The following PCDHGA5 variants were observed in gnomAD, a reference collection of about 807,000 sequenced individuals.
PCDHGA5 encodes the protein protocadherin gamma-A5.
In PCDHGA5, 36 loss-of-function variants were observed where a neutral mutation model predicts 56.7. The observed-to-expected ratio is 0.64, with a 90% CI of 0.49 to 0.84. The LOEUF (loss-of-function observed/expected upper bound fraction) is 0.84. PCDHGA5 is among the 40% of genes least tolerant of loss of function. The pLI is 0.00. For synonymous variants in PCDHGA5, 563 were observed against 520.2 expected, an observed-to-expected ratio of 1.08 and a Z score of -1.12; for missense variants, 1,305 against 1,201.5, an observed-to-expected ratio of 1.09 and a Z score of -1.27.
chr5:141,408,298 G>T (rs778209794), intron 1 of PCDHGA5: 1 of 1,613,704 alleles, frequency 6.2e-7, no homozygotes, highest in South Asian at 1.1e-5. Context: ...TGAGTGAGCC[G>T]ATCCGCTACT....
intron 1 of PCDHGA5, chr5:141,478,169 G>A (rs2099436111): frequency 1.2e-6 from 2 of 1,613,716 alleles, no homozygotes; most frequent in Admixed American, 1.7e-5. Flanking sequence ...TGCCCCCCGG[G>A]AGCAGAAAAA....
intron 1 of PCDHGA5, among the ~76,000 whole-genome samples, chr5:141,443,695 A>G (rs1324985529): frequency 1.3e-5 from 2 of 152,272 alleles, no homozygotes; most frequent in Non-Finnish European, 2.9e-5. Context: ...TTCAAAAATT[A>G]TAGAATAACA....
chr5:141,389,331 G>A (rs1212558688), intron 1 of PCDHGA5: 15 of 1,613,986 alleles, frequency 9.3e-6, no homozygotes, highest in Middle Eastern at 1.6e-4. Context: ...GGGGCCCAAC[G>A]GCCAAGTCTC....
At position 141,438,243 on chromosome 5, in the gene PCDHGA5, A is replaced by C. The variant is rs1445738408; in HGVS notation, c.2422-56564A>C. ...TGGTTCAGGAAAATGTTTTTAAAAA[A>C]CTGTCATTGAAGAGACCATAGAATC... On this transcript the variant is annotated intron_variant, in intron 1 of 3. Coordinates refer to ENST00000518069, the MANE Select transcript of PCDHGA5 (RefSeq NM_018918.3). Among the ~76,000 whole-genome samples, 3 of 152,250 alleles carry C rather than the reference A, an allele frequency of 2.0e-5. No individual in the cohort carries two copies. In the East Asian group the frequency reaches 5.8e-4, roughly 29 times the overall value.
chr5:141,423,782 C>A (rs1458189260), intron 1 of PCDHGA5: 2 of 1,243,328 alleles, frequency 1.6e-6, no homozygotes, highest in Non-Finnish European at 1.0e-6. Context: ...ATATTTAGTT[C>A]ATATATATTT....
intron 1 of PCDHGA5, chr5:141,404,061 A>G (rs375910829): frequency 9.9e-6 from 16 of 1,613,906 alleles, no homozygotes; most frequent in African/African-American, 4.0e-5. Flanking sequence ...CTTCTTTTCA[A>G]TGCTCATGAC....
At chr5:141,496,838 T>C (rs182118142) in intron 2 of PCDHGA5, among the ~76,000 whole-genome samples, 39 of 150,790 alleles carry the variant, frequency 2.6e-4, no homozygotes, top group African/African-American at 8.3e-4. Flanking sequence ...CCAGAACTCA[T>C]AGGCTTCCAG....
chr5:141,438,392 ATTAAC>A (rs1296512476), intron 1 of PCDHGA5, among the ~76,000 whole-genome samples: 3 of 151,714 alleles, frequency 2.0e-5, no homozygotes, highest in African/African-American at 7.3e-5. Context: ...TTAGTTCATC[ATTAAC>A]TCTCTGAAGT....
At chr5:141,421,278 G>A (rs764787116) in intron 1 of PCDHGA5, 1 of 1,612,872 alleles carries the variant, frequency 6.2e-7, no homozygotes, top group African/African-American at 1.3e-5. Flanking sequence ...TGCTGCTGCT[G>A]TGCATTTTCC....
intron 1 of PCDHGA5, chr5:141,389,075 A>T: frequency 6.2e-7 from 1 of 1,614,066 alleles, no homozygotes; most frequent in Non-Finnish European, 8.5e-7. Context: ...CTTCTTCAAG[A>T]AACACGTATA....
chr5:141,394,506 C>G, intron 1 of PCDHGA5: 2 of 1,614,214 alleles, frequency 1.2e-6, no homozygotes, highest in Non-Finnish European at 1.7e-6. Context: ...GATCCTGTAC[C>G]CCGCCCTCCC....
intron 1 of PCDHGA5, among the ~76,000 whole-genome samples, chr5:141,472,590 C>G (rs1161871973): frequency 6.6e-6 from 1 of 151,908 alleles, no homozygotes; most frequent in African/African-American, 2.4e-5. Flanking sequence ...GTCAGAAGCT[C>G]TCTTGAAATT....
rs1333951046 is a variant in PCDHGA5, at chr5:141,485,847, C to T, written c.2422-8960C>T. 10 of 1,614,092 alleles carry T rather than the reference C, an allele frequency of 6.2e-6. No individual in the cohort carries two copies. In the African/African-American group the frequency reaches 8.0e-5, roughly 13 times the overall value. On this transcript the variant is annotated intron_variant, in intron 1 of 3. Transcript: ENST00000518069. This position sits in a 1 kb window ranked among gnomAD's most constrained non-coding sequence, Gnocchi z 5.7. ...GGAGGGAACCCGCCGAGATCTGGCA[C>T]CGCAGAGCTCCGGGTATCCGTGCTG...
At chr5:141,413,858 G>A (rs751172785) in intron 1 of PCDHGA5, 28 of 1,613,140 alleles carry the variant, frequency 1.7e-5, no homozygotes, top group African/African-American at 4.0e-5. Context: ...CTCCGATCTG[G>A]CACTGTCCTT....
intron 1 of PCDHGA5, chr5:141,383,616 G>A (rs750574958): frequency 2.5e-6 from 4 of 1,613,808 alleles, no homozygotes; most frequent in Non-Finnish European, 3.4e-6. Flanking sequence ...ATGACCACAC[G>A]CCTGTCTTCT....
In PCDHGA5 at chr5:141,511,405, T is replaced by C. The variant is rs1274658643; in HGVS notation, c.*232T>C. The C allele has an allele frequency of 2.2e-5, 21 of 944,066 alleles. No homozygotes were observed. In the East Asian group the frequency reaches 5.8e-4, roughly 26 times the overall value. 58.5% of individuals were successfully genotyped at this position (944,066 alleles called of 1,614,324 possible). On this transcript the variant is annotated 3_prime_UTR_variant, in exon 4 of 4. Transcript: ENST00000518069. ...CGCTGGGAACCCCCATCCAATCAACTGCTGTACCCATGGGGGTAGTGGGGT... is the reference window on the plus strand; with the variant it reads ...CGCTGGGAACCCCCATCCAATCAACCGCTGTACCCATGGGGGTAGTGGGGT...
chr5:141,480,145 C>A (rs1331658762), intron 1 of PCDHGA5, among the ~76,000 whole-genome samples: 1 of 151,968 alleles, frequency 6.6e-6, no homozygotes, highest in Non-Finnish European at 1.5e-5. Context: ...CAATTATTAG[C>A]CAGCTCCTAG....
chr5:141,471,591 A>T (rs925105880), intron 1 of PCDHGA5: 1 of 152,294 alleles, frequency 6.6e-6, no homozygotes, highest in South Asian at 2.1e-4. Context: ...AGTAATTGAT[A>T]GTTTCAAAAT....
chr5:141,378,051 T>C (rs539609296), intron 1 of PCDHGA5: 1 of 152,310 alleles, frequency 6.6e-6, no homozygotes, highest in East Asian at 1.9e-4. Flanking sequence ...TCCTTATCTA[T>C]CTGACTCAAA....
Sources: gnomAD v4.1 joint callset for allele counts (sites outside exome capture counted in the v4.1 genomes callset) on GRCh38, gnomAD v4.1.1 for gene constraint, Gnocchi (gnomAD v3.1) non-coding constraint, MANE v1.5 for transcripts, NCBI Gene and HGNC (gene_info 2026-07-23, HGNC 2026-07-21) for gene names.